EGF: variants seen among roughly 807,000 people sequenced by gnomAD.
EGF encodes epidermal growth factor, also known as pro-epidermal growth factor.
EGF carries 95 observed loss-of-function variants against 143.8 expected under a neutral mutation model. That is an observed-to-expected ratio of 0.66 (90% CI 0.56 to 0.78). EGF has a LOEUF of 0.78. Ranked by LOEUF, EGF falls within the 30% of genes least tolerant of loss-of-function variation. The pLI is 0.00. For synonymous variants in EGF, 510 were observed against 510.5 expected (o/e 1.00, Z 0.01); for missense variants, 1,320 against 1,470.9 (o/e 0.90, Z 1.68).
At chr4:109,943,176 T>G (rs911433301) in intron 2 of EGF, 78 bp from the exon 3 acceptor site, 6 of 1,030,358 alleles carry the variant, frequency 5.8e-6, no homozygotes, top group Non-Finnish European at 7.0e-6. Context: ...AGAATAGACT[T>G]TTTATATATA....
chr4:109,987,785 C>A lies in EGF; in HGVS notation c.2533C>A (p.Arg845=). 2 of 1,613,818 alleles carry A rather than the reference C, an allele frequency of 1.2e-6. No individual in the cohort carries two copies. The highest frequency in any genetic ancestry group is 1.7e-6 in the Non-Finnish European group (2 of 1,179,864). The part of the protein sequence containing the change: ...CAPVGCSMYA[R]CISEGEDATC... Reference sequence around the variant, plus strand: ...TCCTGTGGGATGCAGCATGTATGCTCGGTGTATTTCAGAGGGAGAGGATGC... The same window carrying A: ...TCCTGTGGGATGCAGCATGTATGCTAGGTGTATTTCAGAGGGAGAGGATGC... Residue 845 remains arginine (R), a synonymous_variant, in exon 17 of 24, where the codon CGG becomes AGG. Coordinates refer to ENST00000265171, the MANE Select transcript of EGF (RefSeq NM_001963.6).
intron 1 of EGF, among the ~76,000 whole-genome samples, chr4:109,938,332 C>T (rs1445150795): frequency 1.3e-5 from 2 of 152,190 alleles, no homozygotes; most frequent in African/African-American, 2.4e-5. Context: ...GCATGTGTCA[C>T]GAAGTTCCTG....
intron 4 of EGF, among the ~76,000 whole-genome samples, chr4:109,944,408 C>T (rs1446009858): frequency 6.6e-6 from 1 of 152,208 alleles, no homozygotes. Context: ...CACTGCACTC[C>T]AGCCTGGGCG....
chr4:109,951,515 C>T (rs907572242), intron 5 of EGF, among the ~76,000 whole-genome samples: 21 of 152,228 alleles, frequency 1.4e-4, no homozygotes, highest in African/African-American at 4.8e-4. Context: ...TTTGAAATAA[C>T]CCATCTAAGT....
At chr4:109,918,492 T>C (rs752120304) in intron 1 of EGF, among the ~76,000 whole-genome samples, 1 of 152,158 alleles carries the variant, frequency 6.6e-6, no homozygotes, top group South Asian at 2.1e-4. Flanking sequence ...CTCTATCATA[T>C]GTTCCAGGAA....
chr4:109,922,920 C>T (rs966349034), intron 1 of EGF, among the ~76,000 whole-genome samples: 2 of 151,578 alleles, frequency 1.3e-5, no homozygotes, highest in African/African-American at 2.4e-5. Context: ...ATAAATGAGA[C>T]ATATTAGAAA....
chr4:109,937,462 A>G (rs1244121161), intron 1 of EGF, among the ~76,000 whole-genome samples: 1 of 151,550 alleles, frequency 6.6e-6, no homozygotes, highest in Non-Finnish European at 1.5e-5. Flanking sequence ...TCCTGAAACC[A>G]GCACACTGAT....
At chr4:109,944,971 A>G (rs767374825) in intron 4 of EGF, 102 bp from the exon 5 acceptor site, 10 of 1,203,546 alleles carry the variant, frequency 8.3e-6, no homozygotes, top group Non-Finnish European at 1.2e-5. Context: ...TTGAAAACGT[A>G]GGTGGTTAAA....
At chr4:109,917,467 T>C (rs1736874703) in intron 1 of EGF, among the ~76,000 whole-genome samples, 1 of 152,116 alleles carries the variant, frequency 6.6e-6, no homozygotes, top group Non-Finnish European at 1.5e-5. Flanking sequence ...GTATGGTTGG[T>C]TGGAGGTTTT....
chr4:109,921,732 C>T (rs997460957), intron 1 of EGF, among the ~76,000 whole-genome samples: 14 of 151,528 alleles, frequency 9.2e-5, no homozygotes, highest in Admixed American at 3.3e-4. Context: ...AACAGCATCA[C>T]GGCAGCTGCC....
In EGF at chr4:109,943,970, G is replaced by A. The variant is rs373552129; in HGVS notation, c.638G>A (p.Arg213Gln). 63 of 1,613,934 alleles carry A rather than the reference G, an allele frequency of 3.9e-5. No homozygotes were observed. Among genetic ancestry groups the A allele is most frequent in the African/African-American group, 9.3e-5 (7 of 74,870 alleles). The change falls in exon 4 of 24, where the codon CGG (arginine) becomes CAG (glutamine). Residue 213 changes from arginine (R) to glutamine (Q), a missense_variant. Physicochemically the swap from Arg to Gln is conservative, Grantham distance 43. Around this residue, in one of 5 missense-constraint regions of EGF, gnomAD observed 1,186 missense variants for 1,313.7 expected, o/e 0.90. Transcript: ENST00000265171. ...TAVSLDVLDK[R>Q]LFWIQYNREG... The stretch of plus-strand genomic sequence containing the variant: ...GTGTCATTGGATGTGCTTGATAAGC[G>A]GCTGTTTTGGATTCAGTACAACAGA...
chr4:110,002,096 T>C, intron 21 of EGF: 1 of 948,658 alleles, frequency 1.1e-6, no homozygotes, highest in Non-Finnish European at 1.3e-6. Flanking sequence ...CTAACTGTTT[T>C]TCTTTAAAGG....
chr4:110,004,869 ATTTT>A (rs1440596362), intron 22 of EGF, among the ~76,000 whole-genome samples: 1 of 151,624 alleles, frequency 6.6e-6, no homozygotes, highest in Admixed American at 6.6e-5. Context: ...AATTTTTGGA[ATTTT>A]TTTCTTTCAT....
Position 109,913,048 on chromosome 4 carries a change from ACT to A in EGF, c.-285_-284del. ...AAGTCAGCCAGAGCAGGGCTGTTAA[ACT>A]CTGTGAAATTTGTCATAAGGGTGTC... On this transcript the variant is annotated 5_prime_UTR_variant, in exon 1 of 24. Transcript: ENST00000265171. 2.6e-6 allele frequency: 1 copy of A among 384,544 alleles called. No homozygotes were observed. The highest frequency in any genetic ancestry group is 5.0e-6 in the Non-Finnish European group (1 of 201,280). The allele number at this position is 384,544 out of a possible 1,614,324, so 23.8% of individuals were successfully genotyped here.
chr4:109,919,629 T>C lies in EGF; in HGVS notation c.127+6167T>C, dbSNP rs78657730. ...GACATTGATCTCACTTGTGCTCAGG[T>C]GAAATGGTACATGAGTGACAGGTAG... On this transcript the variant is annotated intron_variant, in intron 1 of 23. Transcript: ENST00000265171. Among the ~76,000 whole-genome samples, 348 of 147,578 alleles carry C rather than the reference T, an allele frequency of 2.4e-3. 18 individuals are homozygous for C. Among genetic ancestry groups the C allele is most frequent in the African/African-American group, 8.8e-3 (328 of 37,216 alleles).
intron 1 of EGF, among the ~76,000 whole-genome samples, chr4:109,939,087 C>T (rs1230848615): frequency 6.6e-6 from 1 of 152,218 alleles, no homozygotes; most frequent in African/African-American, 2.4e-5. Context: ...TCTGTAGAAG[C>T]TGTCTGCTGC....
intron 11 of EGF, among the ~76,000 whole-genome samples, chr4:109,970,383 C>A (rs1747370863): frequency 6.6e-6 from 1 of 151,988 alleles, no homozygotes; most frequent in African/African-American, 2.4e-5. Flanking sequence ...ACATCTGGTA[C>A]CAAAGCAACC....
At chr4:109,980,788 T>G (rs1412759225) in intron 14 of EGF, 38 bp from the exon 15 acceptor site, 1 of 1,613,644 alleles carries the variant, frequency 6.2e-7, no homozygotes, top group Non-Finnish European at 8.5e-7. Context: ...CTTTTCATCT[T>G]CAAACCCACT....
At chr4:109,979,250 A>G (rs1748952748) in intron 13 of EGF, among the ~76,000 whole-genome samples, 1 of 152,090 alleles carries the variant, frequency 6.6e-6, no homozygotes, top group African/African-American at 2.4e-5. Context: ...GAGGAGCTAG[A>G]GGGGTCACGG....
Sources: allele counts gnomAD v4.1 joint callset (sites outside exome capture counted in the v4.1 genomes callset), GRCh38; gene constraint gnomAD v4.1.1; regional missense constraint gnomAD v4.1.1; transcripts MANE v1.5; gene names NCBI Gene and HGNC (gene_info 2026-07-23, HGNC 2026-07-21).